The following OR1L8 variants were observed in gnomAD, a reference collection of about 807,000 sequenced individuals.
OR1L8 encodes olfactory receptor family 1 subfamily L member 8.
For missense variants in OR1L8, 330 were observed against 377.4 expected (o/e 0.87, Z 1.04); for synonymous variants, 148 against 147.0 (o/e 1.01, Z -0.05).
At chr9:122,571,013 A>G (rs1486095583) in intron 4 of OR1L8, among the ~76,000 whole-genome samples, 1 of 152,200 alleles carries the variant, frequency 6.6e-6, no homozygotes, top group Admixed American at 6.5e-5. Flanking sequence ...AAGCCTCTTC[A>G]TATTTTGGTA....
the OR1L8 span, among the ~76,000 whole-genome samples, chr9:122,560,308 G>A: frequency 0.019 from 2,819 of 152,066 alleles, 79 homozygotes; most frequent in African/African-American, 0.064. Flanking sequence ...TCTTTTAATC[G>A]CAGCATTTAG....
Position 122,567,935 on chromosome 9 carries a change from G to T in OR1L8, c.543C>A (p.Asp181Glu). ...AGGACAATTTCAGCACAGGGCTGAGGTCACAGAGAAAGTGGTGGATAACAT... is the reference window on the plus strand; with the variant it reads ...AGGACAATTTCAGCACAGGGCTGAGTTCACAGAGAAAGTGGTGGATAACAT... Reference protein sequence around the residue: ...DSNVIHHFLCDLSPVLKLSCS... With the variant: ...DSNVIHHFLCELSPVLKLSCS... The change falls in exon 5 of 5, where the codon GAC (aspartate) becomes GAA (glutamate). Residue 181 changes from aspartate to glutamate, a missense_variant. By Grantham distance (45) the Asp-to-Glu change is conservative. Transcript: ENST00000641027. 6.2e-7 allele frequency: 1 copy of T among 1,614,144 alleles called. No homozygotes were observed. The highest frequency in any genetic ancestry group is 8.5e-7 in the Non-Finnish European group (1 of 1,179,984).
chr9:122,567,396 C>A lies in OR1L8; in HGVS notation c.*152G>T. On this transcript the variant is annotated 3_prime_UTR_variant, in exon 5 of 5. Coordinates refer to ENST00000641027, the MANE Select transcript of OR1L8 (RefSeq NM_001004454.2). ...AGAGATACAGGCCGAATTGTTGGGT[C>A]ATCATCAATGGATGTAAGTGCCCAC... 1 of 553,888 alleles carries A rather than the reference C, an allele frequency of 1.8e-6. No individual in the cohort carries two copies. Among genetic ancestry groups the A allele is most frequent in the Non-Finnish European group, 3.1e-6 (1 of 318,472 alleles). 34.3% of individuals were successfully genotyped at this position (553,888 alleles called of 1,614,324 possible).
chr9:122,558,481 G>A, the OR1L8 span, among the ~76,000 whole-genome samples: 2 of 151,278 alleles, frequency 1.3e-5, no homozygotes, highest in African/African-American at 4.8e-5. Context: ...GGGCTAAAGT[G>A]GCTTTGAGTG....
At chr9:122,566,320 TATTTGAAGAAATTC>T (rs1205336411), downstream of OR1L8, among the ~76,000 whole-genome samples, 2 of 152,236 alleles carry the variant, frequency 1.3e-5, no homozygotes, top group East Asian at 3.8e-4. Flanking sequence ...AATAAATGTT[TATTTGAAGAAATTC>T]AGACATTACA....
At chr9:122,556,381 G>A in the OR1L8 span, among the ~76,000 whole-genome samples, 2 of 151,644 alleles carry the variant, frequency 1.3e-5, no homozygotes, top group South Asian at 4.2e-4. Context: ...TCAAAAATCA[G>A]TTGACTCTAC....
Position 122,567,693 on chromosome 9 carries a change from T to C in OR1L8, c.785A>G (p.Gln262Arg). The C allele has an allele frequency of 6.2e-6, 10 of 1,614,104 alleles. No homozygotes were observed. The highest frequency in any genetic ancestry group is 8.5e-6 in the Non-Finnish European group (10 of 1,180,028). ...FYGSIFCVYL[Q>R]PPSTYAVKDH... ...CTTGACAGCGTAGGTGGATGGGGGC[T>C]GTAAATAGACACAGAAGATGCTTCC... is the stretch of plus-strand genomic sequence containing the variant. Residue 262 changes from glutamine to arginine, a missense_variant, in exon 5 of 5, where the codon CAG becomes CGG. Coordinates refer to ENST00000641027, the MANE Select transcript of OR1L8 (RefSeq NM_001004454.2).
the OR1L8 span, among the ~76,000 whole-genome samples, chr9:122,550,331 C>A: frequency 7.0e-6 from 1 of 142,028 alleles, no homozygotes; most frequent in Non-Finnish European, 1.5e-5. Context: ...ATACAAAGAA[C>A]TGGTACCAGT....
intron 3 of OR1L8, among the ~76,000 whole-genome samples, chr9:122,575,683 A>G (rs571125620): frequency 1.3e-4 from 20 of 152,330 alleles, no homozygotes; most frequent in Admixed American, 2.0e-4. Flanking sequence ...TATGAGATAC[A>G]TATAGAGAGT....
chr9:122,582,595 C>T (rs1337448801), intron 1 of OR1L8, among the ~76,000 whole-genome samples: 1 of 152,026 alleles, frequency 6.6e-6, no homozygotes, highest in Non-Finnish European at 1.5e-5. Flanking sequence ...TAGTACACAC[C>T]TGTAGTCCCA....
chr9:122,546,849 G>A, the OR1L8 span, among the ~76,000 whole-genome samples: 4 of 152,168 alleles, frequency 2.6e-5, no homozygotes, highest in African/African-American at 4.8e-5. Flanking sequence ...ATAATTGTAT[G>A]TATTCGGGGG....
intron 3 of OR1L8, among the ~76,000 whole-genome samples, chr9:122,574,141 AG>A (rs1829600681): frequency 6.6e-6 from 1 of 152,118 alleles, no homozygotes; most frequent in Non-Finnish European, 1.5e-5. Flanking sequence ...AGGTAGTGTC[AG>A]TCCTCCAGTT....
At chr9:122,561,601 C>T in the OR1L8 span, among the ~76,000 whole-genome samples, 11 of 151,998 alleles carry the variant, frequency 7.2e-5, no homozygotes, top group Non-Finnish European at 1.6e-4. Context: ...TTCTGTAGGG[C>T]TGCTGTGGTT....
At chr9:122,549,890 A>G in the OR1L8 span, among the ~76,000 whole-genome samples, 2 of 152,022 alleles carry the variant, frequency 1.3e-5, no homozygotes, top group Non-Finnish European at 2.9e-5. Flanking sequence ...TTCTAATTCT[A>G]TGAAAAATGG....
At chr9:122,552,079 T>TCTCTCTCTGTCACACACA in the OR1L8 span, among the ~76,000 whole-genome samples, 1 of 142,102 alleles carries the variant, frequency 7.0e-6, no homozygotes, top group Admixed American at 7.0e-5. Flanking sequence ...TCTCTCTCTC[T>TCTCTCTCTGTCACACACA]CACACACACA....
At position 122,578,472 on chromosome 9, in the gene OR1L8, A is replaced by G. The variant is rs1449499334; in HGVS notation, c.-599-27T>C. 6.6e-5 allele frequency: 10 copies of G among 151,180 alleles called. No individual in the cohort carries two copies. The East Asian group carries it at 1.7e-3, about 26-fold the overall frequency. 9.4% of individuals were successfully genotyped at this position (151,180 alleles called of 1,614,324 possible). A position where few individuals can be genotyped will look rare whatever the true frequency, so the allele number is the denominator to read the frequency against. ...TCAAAAAAAAAAAAAAAAAGACATCATTATATACAAAAAAAGATACTTGCA... is the reference window on the plus strand; with the variant it reads ...TCAAAAAAAAAAAAAAAAAGACATCGTTATATACAAAAAAAGATACTTGCA... On this transcript the variant is annotated intron_variant, in intron 1 of 4. Transcript: ENST00000641027.
intron 1 of OR1L8, among the ~76,000 whole-genome samples, chr9:122,579,072 AG>A (rs551286425): frequency 1.5e-3 from 233 of 152,246 alleles, no homozygotes; most frequent in African/African-American, 5.5e-3. Flanking sequence ...AAAAGAAGAA[AG>A]AAAAATACTG....
chr9:122,554,307 G>T, the OR1L8 span: 1 of 636,720 alleles, frequency 1.6e-6, no homozygotes, highest in Non-Finnish European at 2.7e-6. Context: ...AAAAAAGAGT[G>T]TTTCATTCTT....
downstream of OR1L8, among the ~76,000 whole-genome samples, chr9:122,563,525 T>C (rs2118700162): frequency 1.3e-5 from 2 of 152,336 alleles, no homozygotes; most frequent in South Asian, 4.1e-4. Flanking sequence ...TCTTGACAGA[T>C]GCATAGTTTG....
Sources: gnomAD v4.1 joint callset for allele counts (sites outside exome capture counted in the v4.1 genomes callset) on GRCh38, gnomAD v4.1.1 for gene constraint, MANE v1.5 for transcripts, NCBI Gene and HGNC (gene_info 2026-07-23, HGNC 2026-07-21) for gene names.